DESI2: variants seen among roughly 807,000 people sequenced by gnomAD.
The protein encoded by DESI2 is deubiquitinase DESI2.
Under a neutral mutation model 24.1 loss-of-function variants are expected in DESI2, and 10 were observed. That is an observed-to-expected ratio of 0.41 (90% CI 0.26 to 0.70). The LOEUF is 0.70. DESI2 is among the 30% of genes least tolerant of loss of function. The probability of loss-of-function intolerance (pLI) is 0.29; values close to 1 mark genes in which losing one functional copy is unlikely to be tolerated. For synonymous variants in DESI2, 71 were observed against 87.7 expected, an observed-to-expected ratio of 0.81 and a Z score of 1.06; for missense variants, 122 against 234.9, an observed-to-expected ratio of 0.52 and a Z score of 3.14.
intron 1 of DESI2, among the ~76,000 whole-genome samples, chr1:244,655,500 A>G (rs1675615592): frequency 6.6e-6 from 1 of 152,164 alleles, no homozygotes; most frequent in Non-Finnish European, 1.5e-5. Context: ...ATTACTTATT[A>G]TTTTTGACCT....
intron 1 of DESI2, among the ~76,000 whole-genome samples, chr1:244,661,454 C>T (rs192984770): frequency 6.6e-6 from 1 of 152,162 alleles, no homozygotes; most frequent in Admixed American, 6.5e-5. Context: ...TACATGTGCA[C>T]AATGTGCAGG....
At chr1:244,688,658 T>C (rs1296880937) in intron 2 of DESI2, among the ~76,000 whole-genome samples, 1 of 152,194 alleles carries the variant, frequency 6.6e-6, no homozygotes, top group Non-Finnish European at 1.5e-5. Flanking sequence ...AGTCAAAAAA[T>C]AGTTTATCCT....
At chr1:244,685,754 A>G (rs998079977) in intron 1 of DESI2, among the ~76,000 whole-genome samples, 2 of 152,200 alleles carry the variant, frequency 1.3e-5, no homozygotes, top group South Asian at 2.1e-4. Context: ...GAGACATCCA[A>G]TAGGTTTGTA....
chr1:244,686,651 A>G lies in DESI2; in HGVS notation c.97A>G (p.Ile33Val). The change falls in exon 2 of 5, where the codon ATT (isoleucine) becomes GTT (valine). Residue 33 changes from isoleucine (I) to valine (V), a missense_variant. Around this residue, in one of 6 missense-constraint regions of DESI2, gnomAD observed 16 missense variants for 65.7 expected, o/e 0.24. Coordinates refer to ENST00000302550, the MANE Select transcript of DESI2 (RefSeq NM_016076.5). ...SIGIGVFHSG[I>V]EVYGREFAYG... ...TGGAATTGGAGTTTTTCATTCAGGA[A>G]TTGAAGTCTATGGCAGAGGTACGTG... 5 of 1,605,530 alleles carry G rather than the reference A, an allele frequency of 3.1e-6. No individual in the cohort carries two copies. The highest frequency in any genetic ancestry group is 4.3e-6 in the Non-Finnish European group (5 of 1,172,178).
chr1:244,688,795 A>G (rs1676913537), intron 2 of DESI2, among the ~76,000 whole-genome samples: 1 of 152,176 alleles, frequency 6.6e-6, no homozygotes, highest in African/African-American at 2.4e-5. Context: ...GTTCCACCCT[A>G]CTCAAAGATA....
At chr1:244,669,286 C>T (rs1366424856) in intron 1 of DESI2, among the ~76,000 whole-genome samples, 2 of 152,188 alleles carry the variant, frequency 1.3e-5, no homozygotes, top group East Asian at 1.9e-4. Flanking sequence ...CATGAGCCAC[C>T]GTGCCTGGCC....
At position 244,705,478 on chromosome 1, in the gene DESI2, C is replaced by T. The variant is rs1042778089; in HGVS notation, c.352-78C>T. 1.9e-5 allele frequency: 24 copies of T among 1,234,800 alleles called. No homozygotes were observed. In the African/African-American group the frequency reaches 2.1e-4, roughly 11 times the overall value. 76.5% of individuals were successfully genotyped at this position (1,234,800 alleles called of 1,614,324 possible). On this transcript the variant is annotated intron_variant, in intron 4 of 4. Coordinates refer to ENST00000302550, the MANE Select transcript of DESI2 (RefSeq NM_016076.5). ...CTTCTCTGTACGCCGCCCCCCTCCT[C>T]CCACCCTCCACTCCCTGGCAGTGGA... is the stretch of plus-strand genomic sequence containing the variant.
intron 4 of DESI2, among the ~76,000 whole-genome samples, chr1:244,701,225 CCCCCCCCCCG>C (rs1558669823): frequency 2.6e-4 from 21 of 81,230 alleles, no homozygotes; most frequent in African/African-American, 1.3e-3. Flanking sequence ...ACCCCCCCCC[CCCCCCCCCCG>C]CCCTTTTAAC....
intron 4 of DESI2, among the ~76,000 whole-genome samples, chr1:244,704,980 C>T (rs958410799): frequency 6.6e-6 from 1 of 152,106 alleles, no homozygotes; most frequent in African/African-American, 2.4e-5. Context: ...ATTTGAGACA[C>T]TCTTATCACC....
chr1:244,689,295 A>G lies in DESI2; in HGVS notation c.162A>G (p.Glu54=). ...GHPYPFSGIF[E]ISPGNASELG... ...CTTACCCCTTTTCTGGAATATTTGA[A>G]ATTTCCCCAGGAAATGCTTCTGAAC... Residue 54 remains glutamate (E), a synonymous_variant, in exon 3 of 5, where the codon GAA becomes GAG. Coordinates refer to ENST00000302550, the MANE Select transcript of DESI2 (RefSeq NM_016076.5). This position sits in a 1 kb window ranked among gnomAD's most constrained non-coding sequence, Gnocchi z 4.0. The G allele has an allele frequency of 6.3e-7, 1 of 1,594,164 alleles. No individual in the cohort carries two copies. Among genetic ancestry groups the G allele is most frequent in the Non-Finnish European group, 8.6e-7 (1 of 1,162,152 alleles).
At chr1:244,686,527 C>T in intron 1 of DESI2, 70 bp from the exon 2 acceptor site, 1 of 945,172 alleles carries the variant, frequency 1.1e-6, no homozygotes, top group Non-Finnish European at 1.7e-6. Flanking sequence ...GGGGAGCAGT[C>T]ACTTCTGTAG....
At position 244,708,851 on chromosome 1, in the gene DESI2, G is replaced by A. The variant is rs1172858251; in HGVS notation, c.*3062G>A. 1 of 152,572 alleles carries A rather than the reference G, an allele frequency of 6.6e-6. No homozygotes were observed. The highest frequency in any genetic ancestry group is 1.5e-5 in the Non-Finnish European group (1 of 68,030). 9.5% of individuals were successfully genotyped at this position (152,572 alleles called of 1,614,324 possible). A position where few individuals can be genotyped will look rare whatever the true frequency, so the allele number is the denominator to read the frequency against. ...TTACTGTTTGAAAAGTGTTACAGCTGTCAAAGAATCTTCATGGACCTGAAG... is the reference window on the plus strand; with the variant it reads ...TTACTGTTTGAAAAGTGTTACAGCTATCAAAGAATCTTCATGGACCTGAAG... On this transcript the variant is annotated 3_prime_UTR_variant, in exon 5 of 5. Transcript: ENST00000302550.
intron 1 of DESI2, among the ~76,000 whole-genome samples, chr1:244,677,888 C>A (rs1676463770): frequency 6.6e-6 from 1 of 152,094 alleles, no homozygotes; most frequent in Non-Finnish European, 1.5e-5. Context: ...CCACTGCACT[C>A]CAGCCTAGGC....
intron 1 of DESI2, among the ~76,000 whole-genome samples, chr1:244,683,720 C>G (rs1676714716): frequency 6.6e-6 from 1 of 151,654 alleles, no homozygotes. Context: ...TGCCCCAACA[C>G]TTTTTGAATT....
At chr1:244,691,403 T>G (rs1213472723) in intron 3 of DESI2, among the ~76,000 whole-genome samples, 1 of 152,194 alleles carries the variant, frequency 6.6e-6, no homozygotes, top group Non-Finnish European at 1.5e-5. Context: ...TCCTTCTTTT[T>G]AAAAAACGTT....
At chr1:244,697,806 G>T (rs1677280013) in intron 4 of DESI2, among the ~76,000 whole-genome samples, 1 of 152,108 alleles carries the variant, frequency 6.6e-6, no homozygotes, top group Admixed American at 6.6e-5. Context: ...GATGAGCTTT[G>T]GTTGGGCCAA....
chr1:244,698,612 G>A (rs150918907), intron 4 of DESI2, among the ~76,000 whole-genome samples: 303 of 152,294 alleles, frequency 2.0e-3, no homozygotes, highest in Non-Finnish European at 3.7e-3. Flanking sequence ...TGGACTTGAC[G>A]CTTGAGCTAA....
At chr1:244,683,258 T>C (rs1446958062) in intron 1 of DESI2, among the ~76,000 whole-genome samples, 2 of 152,174 alleles carry the variant, frequency 1.3e-5, no homozygotes, top group African/African-American at 4.8e-5. Flanking sequence ...TACAAGTACG[T>C]GTACACATGG....
chr1:244,673,603 G>T (rs1438963575), intron 1 of DESI2, among the ~76,000 whole-genome samples: 1 of 152,190 alleles, frequency 6.6e-6, no homozygotes, highest in Non-Finnish European at 1.5e-5. Context: ...GAGAGTTCAA[G>T]AAACTAATTG....
Sources: gnomAD v4.1 joint callset for allele counts (sites outside exome capture counted in the v4.1 genomes callset) on GRCh38, gnomAD v4.1.1 for gene constraint, gnomAD v4.1.1 regional missense constraint, Gnocchi (gnomAD v3.1) non-coding constraint, MANE v1.5 for transcripts, NCBI Gene and HGNC (gene_info 2026-07-23, HGNC 2026-07-21) for gene names.